SSBP2: variants seen among roughly 807,000 people sequenced by gnomAD.
The protein encoded by SSBP2 is single-stranded DNA-binding protein 2.
Under a neutral mutation model 61.8 loss-of-function variants are expected in SSBP2, and 17 were observed. That is an observed-to-expected ratio of 0.28 (90% CI 0.19 to 0.41). SSBP2 has a LOEUF of 0.41. Ranked by LOEUF, SSBP2 falls within the 10% of genes least tolerant of loss-of-function variation. The pLI, the probability that SSBP2 is intolerant of heterozygous loss-of-function variation, is 1.00. For synonymous variants in SSBP2, 139 were observed against 141.3 expected, an observed-to-expected ratio of 0.98 and a Z score of 0.12; for missense variants, 310 against 458.7, an observed-to-expected ratio of 0.68 and a Z score of 2.96.
At chr5:81,435,911 G>C (rs1179725334) in intron 15 of SSBP2, among the ~76,000 whole-genome samples, 1 of 152,102 alleles carries the variant, frequency 6.6e-6, no homozygotes, top group Non-Finnish European at 1.5e-5. Context: ...TGAGATGCTG[G>C]GTGCAGTGGG....
At chr5:81,726,086 C>T (rs567292257) in intron 1 of SSBP2, among the ~76,000 whole-genome samples, 1 of 152,166 alleles carries the variant, frequency 6.6e-6, no homozygotes, top group East Asian at 1.9e-4. Flanking sequence ...TTAGTACGAA[C>T]ATCTATGTAG....
chr5:81,433,537 T>C (rs1241377686), intron 15 of SSBP2, among the ~76,000 whole-genome samples: 1 of 149,990 alleles, frequency 6.7e-6, no homozygotes, highest in African/African-American at 2.5e-5. Context: ...CCCTCCACTA[T>C]TGTCCTATGA....
chr5:81,482,874 C>A (rs967522286), intron 6 of SSBP2, among the ~76,000 whole-genome samples: 4 of 152,170 alleles, frequency 2.6e-5, no homozygotes, highest in African/African-American at 9.7e-5. Flanking sequence ...TTTGACATGC[C>A]TTCCTCACTA....
chr5:81,562,442 T>C lies in SSBP2; in HGVS notation c.283-48725A>G, dbSNP rs139172718. On this transcript the variant is annotated intron_variant, in intron 4 of 16. Transcript: ENST00000320672. ...CTGCACTTTATAAGAGATAATTAGGTTGGTCCTGATGCCAAATTATTGACA... is the reference window on the plus strand; with the variant it reads ...CTGCACTTTATAAGAGATAATTAGGCTGGTCCTGATGCCAAATTATTGACA... Among the ~76,000 whole-genome samples, 34 of 152,156 alleles carry C rather than the reference T, an allele frequency of 2.2e-4. No homozygotes were observed. In the Middle Eastern group the frequency reaches 0.01, roughly 46 times the overall value.
chr5:81,474,783 CAAATA>C (rs1358166039), intron 6 of SSBP2, among the ~76,000 whole-genome samples: 2 of 152,068 alleles, frequency 1.3e-5, no homozygotes, highest in African/African-American at 2.4e-5. Flanking sequence ...AATTTTGTGA[CAAATA>C]AAATAAGTAT....
At chr5:81,693,649 A>C (rs1753383473) in intron 1 of SSBP2, among the ~76,000 whole-genome samples, 1 of 152,216 alleles carries the variant, frequency 6.6e-6, no homozygotes, top group Admixed American at 6.5e-5. Flanking sequence ...CTTCAGTTAA[A>C]ACAGCTTTTG....
chr5:81,625,940 T>C (rs1420274725), intron 3 of SSBP2, among the ~76,000 whole-genome samples: 1 of 152,210 alleles, frequency 6.6e-6, no homozygotes. Flanking sequence ...AAACATTTTT[T>C]CTGAGGAACA....
chr5:81,444,901 T>A (rs1205483713), intron 12 of SSBP2, among the ~76,000 whole-genome samples: 5 of 151,412 alleles, frequency 3.3e-5, no homozygotes, highest in African/African-American at 1.2e-4. Flanking sequence ...GGCAGGTGAA[T>A]CACTTGAGGT....
At chr5:81,516,598 G>C (rs940036771) in intron 4 of SSBP2, among the ~76,000 whole-genome samples, 1 of 151,924 alleles carries the variant, frequency 6.6e-6, no homozygotes, top group Non-Finnish European at 1.5e-5. Flanking sequence ...CCTCTCTACT[G>C]TATTACACGG....
chr5:81,592,209 T>A (rs1775568626), intron 4 of SSBP2, among the ~76,000 whole-genome samples: 1 of 152,144 alleles, frequency 6.6e-6, no homozygotes, highest in East Asian at 1.9e-4. Flanking sequence ...GCTCGGAGGG[T>A]CCTACGCCCA....
At chr5:81,595,713 G>C (rs796067778) in intron 4 of SSBP2, among the ~76,000 whole-genome samples, 2 of 152,042 alleles carry the variant, frequency 1.3e-5, no homozygotes, top group Non-Finnish European at 2.9e-5. Context: ...ATGTAATCCA[G>C]CATATAAACA....
rs1745921179 is a variant in SSBP2 at position 81,615,465 on chromosome 5, T to C, written c.282+8A>G. 1.4e-5 allele frequency: 22 copies of C among 1,606,394 alleles called. No individual in the cohort carries two copies. Among genetic ancestry groups the C allele is most frequent in the Non-Finnish European group, 1.9e-5 (22 of 1,173,358 alleles). On this transcript the variant is annotated splice_region_variant and intron_variant, in intron 4 of 16. Coordinates refer to ENST00000320672, the MANE Select transcript of SSBP2 (RefSeq NM_012446.5). The stretch of plus-strand genomic sequence containing the variant: ...AGTGTAACTTTGTAAAATTATATGT[T>C]AACTTACGTAATCATGGAAGGCTTT...
At chr5:81,514,140 T>C (rs1768827565) in intron 4 of SSBP2, among the ~76,000 whole-genome samples, 1 of 151,524 alleles carries the variant, frequency 6.6e-6, no homozygotes, top group African/African-American at 2.4e-5. Flanking sequence ...AATTCTCCCT[T>C]TTTTTTTAAG....
intron 4 of SSBP2, among the ~76,000 whole-genome samples, chr5:81,570,310 G>A (rs1159484132): frequency 6.6e-6 from 1 of 152,136 alleles, no homozygotes; most frequent in Non-Finnish European, 1.5e-5. Context: ...AAACACAGTG[G>A]CTCAATTAAT....
intron 4 of SSBP2, among the ~76,000 whole-genome samples, chr5:81,548,936 T>C (rs566653288): frequency 2.0e-5 from 3 of 152,152 alleles, no homozygotes; most frequent in African/African-American, 7.2e-5. Context: ...AAAAGTACAA[T>C]ATTAAGAAGA....
intron 1 of SSBP2, among the ~76,000 whole-genome samples, chr5:81,741,740 G>A (rs1757039209): frequency 6.6e-6 from 1 of 152,162 alleles, no homozygotes; most frequent in Admixed American, 6.5e-5. Flanking sequence ...ATCCACTTAT[G>A]TTACAAAAGC....
At chr5:81,671,023 C>G (rs1410770968) in intron 1 of SSBP2, among the ~76,000 whole-genome samples, 1 of 152,068 alleles carries the variant, frequency 6.6e-6, no homozygotes, top group Non-Finnish European at 1.5e-5. Context: ...GCAATATATC[C>G]GACCTGTACT....
At chr5:81,624,593 G>A (rs1376875320) in intron 3 of SSBP2, among the ~76,000 whole-genome samples, 1 of 152,146 alleles carries the variant, frequency 6.6e-6, no homozygotes, top group East Asian at 1.9e-4. Flanking sequence ...GACTAGGGAT[G>A]CTCAACCTAT....
At chr5:81,540,740 CAT>C (rs1401488549) in intron 4 of SSBP2, among the ~76,000 whole-genome samples, 2 of 152,098 alleles carry the variant, frequency 1.3e-5, no homozygotes, top group Middle Eastern at 3.4e-3. Context: ...GAAACCAAAA[CAT>C]GTGTGTGACT....
Sources: gnomAD v4.1 joint callset for allele counts (sites outside exome capture counted in the v4.1 genomes callset) on GRCh38, gnomAD v4.1.1 for gene constraint, MANE v1.5 for transcripts, NCBI Gene and HGNC (gene_info 2026-07-23, HGNC 2026-07-21) for gene names.